ENTPD1: variants seen among roughly 807,000 people sequenced by gnomAD.
ENTPD1 encodes ectonucleoside triphosphate diphosphohydrolase 1.
In ENTPD1, 33 loss-of-function variants were observed where a neutral mutation model predicts 57.0. That is an observed-to-expected ratio of 0.58 (90% CI 0.44 to 0.77). The LOEUF (loss-of-function observed/expected upper bound fraction) is 0.77. Ranked by LOEUF, ENTPD1 falls within the 30% of genes least tolerant of loss-of-function variation. The pLI is 0.00. For synonymous variants in ENTPD1, 202 were observed against 218.8 expected (o/e 0.92, Z 0.68); for missense variants, 501 against 603.4 (o/e 0.83, Z 1.78).
rs1047997313 is a variant in ENTPD1 at position 95,870,638 on chromosome 10, T to G, written c.*4255T>G. Reference sequence around the variant, plus strand: ...TTGCCACATAATGATAAAATTACTATGAAAATATATTCCCTTTATTGTCAG... The same window carrying G: ...TTGCCACATAATGATAAAATTACTAGGAAAATATATTCCCTTTATTGTCAG... On this transcript the variant is annotated 3_prime_UTR_variant, in exon 10 of 10. Transcript: ENST00000371205. 8.1e-6 allele frequency: 8 copies of G among 985,472 alleles called. No homozygotes were observed. The highest frequency in any genetic ancestry group is 9.6e-6 in the Non-Finnish European group (8 of 829,934). 61.0% of individuals were successfully genotyped at this position (985,472 alleles called of 1,614,324 possible). A position where few individuals can be genotyped will look rare whatever the true frequency, so the allele number is the denominator to read the frequency against.
In ENTPD1 at chr10:95,843,585, A is replaced by G. The variant is rs1328136648; in HGVS notation, c.414-891A>G. ...TGGTGGAGCCAGGATTCTGAGTGGG[A>G]TTCTGAAAAGGAAGGGTCCAGGTCA... On this transcript the variant is annotated intron_variant, in intron 4 of 9. Coordinates refer to ENST00000371205, the MANE Select transcript of ENTPD1 (RefSeq NM_001776.6). Among the ~76,000 whole-genome samples, 3 of 152,218 alleles carry G rather than the reference A, an allele frequency of 2.0e-5. No homozygotes were observed. In the East Asian group the frequency reaches 5.8e-4, roughly 29 times the overall value.
chr10:95,820,655 TGA>T (rs1456297966), intron 1 of ENTPD1, among the ~76,000 whole-genome samples: 1 of 152,232 alleles, frequency 6.6e-6, no homozygotes, highest in Admixed American at 6.5e-5. Flanking sequence ...TGTCATCTTC[TGA>T]GAGAGGCTTT....
Position 95,872,044 on chromosome 10 carries a change from C to A in ENTPD1, c.*5661C>A. The stretch of plus-strand genomic sequence containing the variant: ...TGCCTCAATGAACCAAGATCAGCTC[C>A]ATCACTGGGACCTCCCCATTCTGCC... On this transcript the variant is annotated 3_prime_UTR_variant, in exon 10 of 10. Transcript: ENST00000371205. 1.0e-6 allele frequency: 1 copy of A among 985,428 alleles called. No homozygotes were observed. Among genetic ancestry groups the A allele is most frequent in the Non-Finnish European group, 1.2e-6 (1 of 829,924 alleles). The allele number at this position is 985,428 out of a possible 1,614,324, so 61.0% of individuals were successfully genotyped here.
intron 1 of ENTPD1, among the ~76,000 whole-genome samples, chr10:95,764,102 T>C (rs565719318): frequency 3.3e-5 from 5 of 152,162 alleles, no homozygotes; most frequent in East Asian, 1.9e-4. Context: ...TTTTGGAACA[T>C]TTTATCACCC....
rs1280657723 is a variant in ENTPD1, at chr10:95,756,236, A to G, written c.-4A>G. 33 of 1,595,278 alleles carry G rather than the reference A, an allele frequency of 2.1e-5. No individual in the cohort carries two copies. The highest frequency in any genetic ancestry group is 2.6e-5 in the Non-Finnish European group (31 of 1,170,106). On this transcript the variant is annotated 5_prime_UTR_variant, in exon 1 of 10. Transcript: ENST00000371205. ...AAAGAGGAGGAAAACAAAAGCTGCT[A>G]CTTATGGAAGATACAAAGGGTAAGA... is the stretch of plus-strand genomic sequence containing the variant.
In ENTPD1 at chr10:95,823,249, A is replaced by C. The variant is rs773822293; in HGVS notation, c.29A>C (p.Lys10Thr). ...CTTTTGGTTTTAGAGTCTAACGTGA[A>C]GACATTTTGCTCCAAGAATATCCTA... is the stretch of plus-strand genomic sequence containing the variant. MEDTKESNV[K>T]TFCSKNILAI... Residue 10 changes from lysine to threonine, a missense_variant, in exon 2 of 10, where the codon AAG becomes ACG. By Grantham distance (78) the Lys-to-Thr change is moderately conservative (BLOSUM62 -1). Transcript: ENST00000371205. 1.2e-6 allele frequency: 2 copies of C among 1,614,100 alleles called. No homozygotes were observed. The highest frequency in any genetic ancestry group is 3.3e-5 in the Admixed American group (2 of 60,026).
chr10:95,820,789 G>A (rs544298777), intron 1 of ENTPD1, among the ~76,000 whole-genome samples: 21 of 152,200 alleles, frequency 1.4e-4, no homozygotes, highest in Admixed American at 8.5e-4. Context: ...CTATTTATGT[G>A]CTTCTTTTCT....
rs548189562 is a variant in ENTPD1, at chr10:95,741,925, C to T, written c.37+29932C>T. Among the ~76,000 whole-genome samples the T allele has an allele frequency of 3.9e-5, 6 of 152,306 alleles. No homozygotes were observed. In the East Asian group the frequency reaches 1.2e-3, roughly 29 times the overall value. On this transcript the variant is annotated intron_variant, in intron 1 of 9. Coordinates refer to the ENTPD1 transcript ENST00000453258. ...ATGAAGGGCCTAATGTAAAGGAGAA[C>T]AGGAGGCCTGATTTTGGCATTACCT...
intron 2 of ENTPD1, among the ~76,000 whole-genome samples, chr10:95,838,201 G>A (rs777990437): frequency 6.6e-6 from 1 of 152,146 alleles, no homozygotes; most frequent in Non-Finnish European, 1.5e-5. Flanking sequence ...CATATCAGAT[G>A]TCATTAATCA....
intron 1 of ENTPD1, among the ~76,000 whole-genome samples, chr10:95,749,655 G>A (rs1271358071): frequency 6.6e-6 from 1 of 152,148 alleles, no homozygotes; most frequent in Non-Finnish European, 1.5e-5. Flanking sequence ...GGATATTCGG[G>A]AGGACAGCAT....
At chr10:95,766,814 T>C (rs529378322) in intron 1 of ENTPD1, among the ~76,000 whole-genome samples, 158 of 152,300 alleles carry the variant, frequency 1.0e-3, no homozygotes, top group Non-Finnish European at 2.1e-3. Context: ...TGGACTTTGT[T>C]ATTTGTTTTT....
exon 1 of ENTPD1, chr10:95,711,779 G>C: frequency 1.3e-6 from 1 of 780,104 alleles, no homozygotes; most frequent in East Asian, 2.8e-5. Context: ...GCAGTCTCCT[G>C]TGTACGTGTA....
intron 1 of ENTPD1, among the ~76,000 whole-genome samples, chr10:95,757,011 GGAGAGCCAGCTGCTTGCCAGCGTGT>G (rs2098029141): frequency 6.6e-6 from 1 of 152,210 alleles, no homozygotes; most frequent in Non-Finnish European, 1.5e-5. Context: ...CTGCCAAGAC[GGAGAGCCAGCTGCTTGCCAGCGTGT>G]GAGAGCCAGG....
chr10:95,740,474 A>G (rs1359456906), intron 1 of ENTPD1, among the ~76,000 whole-genome samples: 1 of 152,214 alleles, frequency 6.6e-6, no homozygotes, highest in Non-Finnish European at 1.5e-5. Flanking sequence ...TGGTCAATTA[A>G]CAATGGCTTT....
At chr10:95,814,286 G>C (rs993025003) in intron 1 of ENTPD1, among the ~76,000 whole-genome samples, 1 of 152,220 alleles carries the variant, frequency 6.6e-6, no homozygotes, top group Non-Finnish European at 1.5e-5. Flanking sequence ...GCTAGAAGGG[G>C]TGGGGGCAAG....
intron 2 of ENTPD1, among the ~76,000 whole-genome samples, chr10:95,828,110 A>G (rs10882673): frequency 0.54 from 82,019 of 151,998 alleles, 22,557 homozygotes; most frequent in Admixed American, 0.63. Context: ...GAGGTGAGGA[A>G]CACGCGAGCG....
intron 2 of ENTPD1, among the ~76,000 whole-genome samples, chr10:95,823,689 A>G (rs1054603690): frequency 1.3e-5 from 2 of 152,202 alleles, no homozygotes; most frequent in African/African-American, 4.8e-5. Context: ...TCTATATTCT[A>G]GTATATTTCC....
At position 95,869,942 on chromosome 10, in the gene ENTPD1, T is replaced by C. The variant is rs899748314; in HGVS notation, c.*3559T>C. ...CACATGTGGCTTGTAGCTACCATAC[T>C]GGACAGCACATGTCCAAAAAAATAC... is the stretch of plus-strand genomic sequence containing the variant. On this transcript the variant is annotated 3_prime_UTR_variant, in exon 10 of 10. Coordinates refer to ENST00000371205, the MANE Select transcript of ENTPD1 (RefSeq NM_001776.6). The C allele has an allele frequency of 2.0e-6, 2 of 985,066 alleles. No individual in the cohort carries two copies. The highest frequency in any genetic ancestry group is 2.4e-6 in the Non-Finnish European group (2 of 829,552). The allele number at this position is 985,066 out of a possible 1,614,324, so 61.0% of individuals were successfully genotyped here. A position where few individuals can be genotyped will look rare whatever the true frequency, so the allele number is the denominator to read the frequency against.
At position 95,875,210 on chromosome 10, in the gene ENTPD1, C is replaced by T. The variant is rs2098484539; in HGVS notation, c.*8827C>T. ...ATTTTCCACATTTATGCTCTTGTTT[C>T]CCTTTTAAAACAGAATGTTTTTAAC... On this transcript the variant is annotated 3_prime_UTR_variant, in exon 10 of 10. Transcript: ENST00000371205. 6.6e-6 allele frequency: 1 copy of T among 152,206 alleles called. No homozygotes were observed. The highest frequency in any genetic ancestry group is 1.5e-5 in the Non-Finnish European group (1 of 68,040). The allele number at this position is 152,206 out of a possible 1,614,324, so 9.4% of individuals were successfully genotyped here. A position where few individuals can be genotyped will look rare whatever the true frequency, so the allele number is the denominator to read the frequency against.
Sources: allele counts gnomAD v4.1 joint callset (sites outside exome capture counted in the v4.1 genomes callset), GRCh38; gene constraint gnomAD v4.1.1; transcripts MANE v1.5; gene names NCBI Gene and HGNC (gene_info 2026-07-23, HGNC 2026-07-21).